The following NELL2 variants were observed in gnomAD, a reference collection of about 807,000 sequenced individuals.
NELL2 encodes neural EGFL like 2.
In NELL2, 41 loss-of-function variants were observed where a neutral mutation model predicts 109.6. The observed-to-expected ratio is 0.37, with a 90% CI of 0.29 to 0.49. The LOEUF (loss-of-function observed/expected upper bound fraction) is 0.49. NELL2 is among the 20% of genes least tolerant of loss of function. NELL2 has a pLI of 0.98. For missense variants in NELL2, 900 were observed against 1,008.3 expected, an observed-to-expected ratio of 0.89 and a Z score of 1.45; for synonymous variants, 355 against 344.7, an observed-to-expected ratio of 1.03 and a Z score of -0.33.
intron 15 of NELL2, among the ~76,000 whole-genome samples, chr12:44,596,583 G>T (rs1944973242): frequency 1.3e-5 from 2 of 151,264 alleles, no homozygotes; most frequent in Non-Finnish European, 3.0e-5. Flanking sequence ...CATGAAACAG[G>T]TTTTTTTTTC....
chr12:44,639,089 T>C (rs1220608941), intron 13 of NELL2, among the ~76,000 whole-genome samples: 2 of 152,198 alleles, frequency 1.3e-5, no homozygotes, highest in Non-Finnish European at 2.9e-5. Context: ...AAACCACCTA[T>C]TAATTCAGTT....
At chr12:44,637,842 T>A (rs1426052513) in intron 13 of NELL2, among the ~76,000 whole-genome samples, 1 of 151,892 alleles carries the variant, frequency 6.6e-6, no homozygotes, top group Non-Finnish European at 1.5e-5. Flanking sequence ...AGCAATGCAA[T>A]GCAGCCTCAT....
At chr12:44,810,013 T>G (rs1943122588) in intron 3 of NELL2, among the ~76,000 whole-genome samples, 1 of 152,092 alleles carries the variant, frequency 6.6e-6, no homozygotes, top group South Asian at 2.1e-4. Context: ...GAATTCCTCA[T>G]GCTAGAGTTA....
At chr12:44,781,021 G>C (rs10880687) in intron 3 of NELL2, among the ~76,000 whole-genome samples, 36,093 of 151,732 alleles carry the variant, frequency 0.24, 4,537 homozygotes, top group South Asian at 0.3. Context: ...ATACCAAGAA[G>C]CAAAGAAATC....
intron 2 of NELL2, among the ~76,000 whole-genome samples, chr12:44,841,026 A>C (rs1944211164): frequency 6.6e-6 from 1 of 152,218 alleles, no homozygotes; most frequent in Non-Finnish European, 1.5e-5. Flanking sequence ...GTTGCCTGGC[A>C]TAATGACCTA....
chr12:44,735,133 C>A (rs1004455115), intron 9 of NELL2, among the ~76,000 whole-genome samples: 1 of 152,054 alleles, frequency 6.6e-6, no homozygotes, highest in East Asian at 1.9e-4. Context: ...TCATGTCTTC[C>A]TGTTCCTTGA....
chr12:44,696,268 G>C (rs1399191224), intron 12 of NELL2, among the ~76,000 whole-genome samples: 2 of 152,138 alleles, frequency 1.3e-5, no homozygotes, highest in Non-Finnish European at 2.9e-5. Context: ...AATGTTTGAG[G>C]ATTCCAACTC....
chr12:44,761,736 G>A (rs147147875), intron 9 of NELL2, among the ~76,000 whole-genome samples: 218 of 152,270 alleles, frequency 1.4e-3, no homozygotes, highest in African/African-American at 4.6e-3. Flanking sequence ...AGCAGCCATA[G>A]ATGGAGCTGG....
intron 1 of NELL2, chr12:44,875,567 T>C (rs1276951619): frequency 6.2e-6 from 10 of 1,613,640 alleles, no homozygotes; most frequent in Admixed American, 1.7e-5. Flanking sequence ...ATGACCTCCT[T>C]TAAACCCTTC....
In NELL2 at chr12:44,708,064, G is replaced by A. The variant is rs528134218; in HGVS notation, c.1189+3228C>T. 2.6e-5 allele frequency among the ~76,000 whole-genome samples: 4 copies of A among 152,260 alleles called. No individual in the cohort carries two copies. The East Asian group carries it at 7.7e-4, about 29-fold the overall frequency. The stretch of plus-strand genomic sequence containing the variant: ...GGCAGACAAAGTGGTTGCCAAGGAG[G>A]AGGAGAAGAACCAGAAGGACTGTGG... On this transcript the variant is annotated intron_variant, in intron 11 of 19. Transcript: ENST00000429094.
chr12:44,661,818 CTCTCTTCCCTTT>C (rs913622041), intron 13 of NELL2, among the ~76,000 whole-genome samples: 2 of 152,146 alleles, frequency 1.3e-5, no homozygotes, highest in African/African-American at 4.8e-5. Context: ...TTCTCTTCCA[CTCTCTTCCCTTT>C]TCTCTTCCCT....
At chr12:44,586,941 A>G (rs1027019059) in intron 15 of NELL2, among the ~76,000 whole-genome samples, 7 of 152,134 alleles carry the variant, frequency 4.6e-5, no homozygotes, top group African/African-American at 1.7e-4. Context: ...AATATCTCTC[A>G]TCTAACATCA....
intron 15 of NELL2, among the ~76,000 whole-genome samples, chr12:44,538,885 TAG>T (rs1245926360): frequency 6.6e-6 from 1 of 152,190 alleles, no homozygotes; most frequent in Non-Finnish European, 1.5e-5. Context: ...TTTTGGTTAC[TAG>T]AGTCTTAGTA....
At chr12:44,578,253 T>C (rs1007108562) in intron 15 of NELL2, among the ~76,000 whole-genome samples, 2 of 151,956 alleles carry the variant, frequency 1.3e-5, no homozygotes, top group Non-Finnish European at 1.5e-5. Context: ...ATCTTAAACA[T>C]AATAAGATCT....
chr12:44,725,944 C>G (rs1316840578), intron 9 of NELL2, among the ~76,000 whole-genome samples: 2 of 151,972 alleles, frequency 1.3e-5, no homozygotes, highest in African/African-American at 4.8e-5. Context: ...TACAACAAAC[C>G]CCAGTGACAT....
chr12:44,906,002 T>A (rs545871696), intron 1 of NELL2, among the ~76,000 whole-genome samples: 2 of 152,210 alleles, frequency 1.3e-5, no homozygotes, highest in African/African-American at 4.8e-5. Context: ...TAATACGTGC[T>A]ATGGAAATAA....
upstream of NELL2, among the ~76,000 whole-genome samples, chr12:44,914,499 TCA>T (rs1256650404): frequency 1.3e-5 from 2 of 152,188 alleles, no homozygotes; most frequent in African/African-American, 4.8e-5. Flanking sequence ...ACCACCCCAC[TCA>T]CATTTTCTAG....
At chr12:44,644,478 T>TC (rs533937127) in intron 13 of NELL2, among the ~76,000 whole-genome samples, 49 of 150,918 alleles carry the variant, frequency 3.2e-4, no homozygotes, top group Non-Finnish European at 5.0e-4. Flanking sequence ...GGGAAAGTCT[T>TC]CATTTGATGC....
At chr12:44,512,559 A>G (rs767287198) in intron 19 of NELL2, among the ~76,000 whole-genome samples, 1 of 152,154 alleles carries the variant, frequency 6.6e-6, no homozygotes, top group Non-Finnish European at 1.5e-5. Flanking sequence ...TCACCAAGAT[A>G]TGTAATCAAC....
Sources: gnomAD v4.1 joint callset for allele counts (sites outside exome capture counted in the v4.1 genomes callset) on GRCh38, gnomAD v4.1.1 for gene constraint, MANE v1.5 for transcripts, NCBI Gene and HGNC (gene_info 2026-07-23, HGNC 2026-07-21) for gene names.